The following STAG1 variants were observed in gnomAD, a reference collection of about 807,000 sequenced individuals.
STAG1 encodes cohesin subunit SA-1.
A neutral mutation model predicts 170.9 loss-of-function variants in STAG1; 26 were observed. The ratio of observed to expected loss-of-function variants is 0.15; its 90% CI spans 0.11 to 0.21. The LOEUF (loss-of-function observed/expected upper bound fraction) is 0.21. Among genes scored for constraint, STAG1 ranks in the 10% least tolerant of loss-of-function variants. STAG1 has a pLI of 1.00. For missense variants in STAG1, 964 were observed against 1,509.5 expected, an observed-to-expected ratio of 0.64 and a Z score of 5.99; for synonymous variants, 514 against 497.7, an observed-to-expected ratio of 1.03 and a Z score of -0.44.
chr3:136,740,342 A>G (rs1394226246), intron 1 of STAG1, among the ~76,000 whole-genome samples: 3 of 152,322 alleles, frequency 2.0e-5, no homozygotes, highest in Admixed American at 2.0e-4. Flanking sequence ...GTCCCTCCCT[A>G]ATTACAAACT....
intron 6 of STAG1, among the ~76,000 whole-genome samples, chr3:136,535,886 C>A (rs866989844): frequency 1.3e-5 from 2 of 152,128 alleles, no homozygotes; most frequent in Middle Eastern, 3.2e-3. Flanking sequence ...AAATAAAAAA[C>A]CGAATTCCTA....
intron 16 of STAG1, among the ~76,000 whole-genome samples, chr3:136,428,226 T>A (rs1242133447): frequency 6.6e-6 from 1 of 152,192 alleles, no homozygotes; most frequent in Non-Finnish European, 1.5e-5. Context: ...TCTGTAAAGC[T>A]GCTAACTCTC....
At chr3:136,575,449 A>G (rs1477664267) in intron 4 of STAG1, among the ~76,000 whole-genome samples, 1 of 152,122 alleles carries the variant, frequency 6.6e-6, no homozygotes, top group African/African-American at 2.4e-5. Flanking sequence ...GGTCTCGAAC[A>G]TCTGGGCTCA....
intron 13 of STAG1, among the ~76,000 whole-genome samples, chr3:136,462,545 G>A (rs1261805720): frequency 6.6e-6 from 1 of 152,136 alleles, no homozygotes; most frequent in Non-Finnish European, 1.5e-5. Flanking sequence ...AATAAAGAGA[G>A]GTTGGTTAAT....
intron 1 of STAG1, among the ~76,000 whole-genome samples, chr3:136,656,559 A>C (rs1941376117): frequency 1.3e-5 from 2 of 151,676 alleles, no homozygotes; most frequent in Non-Finnish European, 2.9e-5. Context: ...ATATAACCAC[A>C]CAAAACAACA....
At chr3:136,513,425 T>C (rs1228140310) in intron 7 of STAG1, among the ~76,000 whole-genome samples, 3 of 151,300 alleles carry the variant, frequency 2.0e-5, no homozygotes, top group Non-Finnish European at 4.4e-5. Flanking sequence ...TCAAAATTAA[T>C]AAACATGAGG....
At position 136,500,302 on chromosome 3, in the gene STAG1, ATG is replaced by A; in HGVS notation, c.829-8_829-7del. Reference sequence around the variant, plus strand: ...TCATCCTGATTTTCTTGCAGCTGAAATGAAAAAATATATATAAGTTGAAATCC... The same window carrying A: ...TCATCCTGATTTTCTTGCAGCTGAAAAAAAAATATATATAAGTTGAAATCC... On this transcript the variant is annotated splice_polypyrimidine_tract_variant and splice_region_variant and intron_variant, in intron 8 of 33. Transcript: ENST00000383202. The A allele has an allele frequency of 6.4e-7, 1 of 1,551,310 alleles. No individual in the cohort carries two copies. The highest frequency in any genetic ancestry group is 1.8e-5 in the Admixed American group (1 of 57,116).
At chr3:136,568,318 C>T (rs142742866) in intron 5 of STAG1, among the ~76,000 whole-genome samples, 44 of 152,216 alleles carry the variant, frequency 2.9e-4, no homozygotes, top group African/African-American at 9.9e-4. Flanking sequence ...AAACTTAAGA[C>T]ACCTGATTCT....
intron 22 of STAG1, among the ~76,000 whole-genome samples, chr3:136,381,514 G>A (rs1209892715): frequency 6.6e-6 from 1 of 152,170 alleles, no homozygotes; most frequent in Non-Finnish European, 1.5e-5. Flanking sequence ...TAACCTTGGG[G>A]AGAGCACTTT....
intron 1 of STAG1, among the ~76,000 whole-genome samples, chr3:136,667,511 G>A (rs1398545552): frequency 9.2e-5 from 14 of 152,086 alleles, no homozygotes; most frequent in Admixed American, 9.2e-4. Flanking sequence ...TTGGAGAAGG[G>A]GTGGATTGTT....
chr3:136,594,130 T>C (rs1385088923), intron 4 of STAG1, among the ~76,000 whole-genome samples: 1 of 152,218 alleles, frequency 6.6e-6, no homozygotes, highest in Non-Finnish European at 1.5e-5. Context: ...CTATTACAGT[T>C]ACTATGTAAC....
intron 13 of STAG1, among the ~76,000 whole-genome samples, chr3:136,458,232 C>A (rs1332969034): frequency 1.3e-5 from 2 of 152,128 alleles, no homozygotes; most frequent in East Asian, 1.9e-4. Context: ...TCTGAGCTCA[C>A]TGCAACCTCT....
intron 7 of STAG1, among the ~76,000 whole-genome samples, chr3:136,520,804 A>T (rs746379870): frequency 2.6e-5 from 4 of 152,184 alleles, no homozygotes; most frequent in Non-Finnish European, 2.9e-5. Context: ...TTTCAAGTAT[A>T]TAAACAAGTA....
At chr3:136,394,190 G>A (rs977564534) in intron 22 of STAG1, among the ~76,000 whole-genome samples, 3 of 152,212 alleles carry the variant, frequency 2.0e-5, no homozygotes, top group Non-Finnish European at 4.4e-5. Flanking sequence ...ACAGGCATGA[G>A]CCACTGCACC....
chr3:136,617,324 A>C (rs1489497121), intron 3 of STAG1, among the ~76,000 whole-genome samples: 3 of 152,214 alleles, frequency 2.0e-5, no homozygotes, highest in African/African-American at 7.2e-5. Context: ...AGACATCTAC[A>C]GGGAACCATG....
At position 136,618,736 on chromosome 3, in the gene STAG1, A is replaced by G. The variant is rs1939706990; in HGVS notation, c.132+4410T>C. ...TTTCTTTAAGGGATTAGATTATGAC[A>G]ACTGGCAAAATCTAAATGAGATGTA... On this transcript the variant is annotated intron_variant, in intron 3 of 33. Coordinates refer to ENST00000383202, the MANE Select transcript of STAG1 (RefSeq NM_005862.3). 2.0e-5 allele frequency among the ~76,000 whole-genome samples: 3 copies of G among 152,222 alleles called. No individual in the cohort carries two copies. In the South Asian group the frequency reaches 6.2e-4, roughly 32 times the overall value.
intron 1 of STAG1, among the ~76,000 whole-genome samples, chr3:136,722,816 C>T (rs1021704633): frequency 1.3e-5 from 2 of 152,064 alleles, no homozygotes; most frequent in Admixed American, 6.5e-5. Context: ...CTCAGCCTGC[C>T]GAGTGCCTGC....
intron 7 of STAG1, among the ~76,000 whole-genome samples, chr3:136,510,745 G>A (rs1234514739): frequency 6.6e-6 from 1 of 151,740 alleles, no homozygotes; most frequent in African/African-American, 2.4e-5. Context: ...CAGAGTAGCT[G>A]GGATTACAGG....
At chr3:136,432,380 T>C (rs981417737) in intron 16 of STAG1, among the ~76,000 whole-genome samples, 1 of 152,168 alleles carries the variant, frequency 6.6e-6, no homozygotes, top group African/African-American at 2.4e-5. Flanking sequence ...TGAGAAGCCA[T>C]TTCTATTGTC....
Sources: gnomAD v4.1 joint callset for allele counts (sites outside exome capture counted in the v4.1 genomes callset) on GRCh38, gnomAD v4.1.1 for gene constraint, MANE v1.5 for transcripts, NCBI Gene and HGNC (gene_info 2026-07-23, HGNC 2026-07-21) for gene names.